GRB2: variants seen among roughly 807,000 people sequenced by gnomAD.
GRB2 encodes growth factor receptor-bound protein 2.
Under a neutral mutation model 27.4 loss-of-function variants are expected in GRB2, and 2 were observed. The ratio of observed to expected loss-of-function variants is 0.07; its 90% CI spans 0.03 to 0.23. GRB2 has a LOEUF of 0.23. Among genes scored for constraint, GRB2 ranks in the 10% least tolerant of loss-of-function variants. The probability of loss-of-function intolerance (pLI) is 1.00; values close to 1 mark genes in which losing one functional copy is unlikely to be tolerated. For synonymous variants in GRB2, 94 were observed against 99.6 expected, an observed-to-expected ratio of 0.94 and a Z score of 0.33; for missense variants, 102 against 282.4, an observed-to-expected ratio of 0.36 and a Z score of 4.58.
At chr17:75,387,649 T>A (rs935723351) in intron 2 of GRB2, 1 of 151,712 alleles carries the variant, frequency 6.6e-6, no homozygotes, top group African/African-American at 2.4e-5. Context: ...ATACAAAAAA[T>A]TAGCCAGGTG....
intron 2 of GRB2, among the ~76,000 whole-genome samples, chr17:75,351,605 A>C (rs2078692854): frequency 1.3e-5 from 2 of 152,088 alleles, no homozygotes; most frequent in Non-Finnish European, 2.9e-5. Context: ...GTAAGTTATG[A>C]TCATGCCACT....
intron 2 of GRB2, among the ~76,000 whole-genome samples, chr17:75,337,895 C>CTATTATTAT (rs1349829988): frequency 5.6e-5 from 7 of 124,462 alleles, no homozygotes; most frequent in Admixed American, 1.6e-4. Context: ...ACTACTACTA[C>CTATTATTAT]TACTACTATT....
chr17:75,327,774 C>T (rs1156831580), intron 3 of GRB2, among the ~76,000 whole-genome samples: 2 of 152,174 alleles, frequency 1.3e-5, no homozygotes, highest in African/African-American at 2.4e-5. Context: ...GAAGGATACA[C>T]TTAGAAGCTG....
chr17:75,333,667 T>C (rs2078556385), intron 2 of GRB2, among the ~76,000 whole-genome samples: 1 of 152,152 alleles, frequency 6.6e-6, no homozygotes. Context: ...CACTGCTGCT[T>C]GTGAGGACAA....
chr17:75,328,940 A>AAAATAAATAAATAAAT (rs3047534), intron 3 of GRB2, among the ~76,000 whole-genome samples: 39 of 147,122 alleles, frequency 2.7e-4, no homozygotes, highest in African/African-American at 5.2e-4. Flanking sequence ...TCGCTTTCAA[A>AAAATAAATAAATAAAT]AAATAAATAA....
At chr17:75,382,475 A>G (rs2078935412) in intron 2 of GRB2, among the ~76,000 whole-genome samples, 1 of 152,170 alleles carries the variant, frequency 6.6e-6, no homozygotes, top group South Asian at 2.1e-4. Context: ...GCATCCCTAA[A>G]TCTCAAAATC....
intron 2 of GRB2, among the ~76,000 whole-genome samples, chr17:75,365,586 C>A (rs1416572875): frequency 6.6e-6 from 1 of 151,868 alleles, no homozygotes; most frequent in African/African-American, 2.4e-5. Flanking sequence ...CTTGGTTTAA[C>A]TTGAAAAGGA....
chr17:75,372,490 A>C (rs1598244145), intron 2 of GRB2: 1 of 152,250 alleles, frequency 6.6e-6, no homozygotes, highest in Non-Finnish European at 1.5e-5. Context: ...AATCACCAAG[A>C]GTTTACAATG....
chr17:75,324,306 C>G (rs2078480804), intron 4 of GRB2, among the ~76,000 whole-genome samples: 1 of 150,918 alleles, frequency 6.6e-6, no homozygotes, highest in African/African-American at 2.4e-5. Context: ...ATTCTTCTCT[C>G]TCAGCCTCCT....
chr17:75,334,040 CCTT>C (rs2078559209), intron 2 of GRB2, among the ~76,000 whole-genome samples: 1 of 152,158 alleles, frequency 6.6e-6, no homozygotes, highest in Non-Finnish European at 1.5e-5. Flanking sequence ...CAGTAGTCCT[CCTT>C]ATCATGATGG....
chr17:75,388,583 T>TG (rs59379896), intron 2 of GRB2, among the ~76,000 whole-genome samples: 2,134 of 86,284 alleles, frequency 0.025, 27 homozygotes, highest in African/African-American at 0.032. Context: ...TTTAAAATAG[T>TG]GGGGGGGGGG....
At chr17:75,353,596 C>A (rs1395546296) in intron 2 of GRB2, among the ~76,000 whole-genome samples, 1 of 151,982 alleles carries the variant, frequency 6.6e-6, no homozygotes, top group Non-Finnish European at 1.5e-5. Context: ...CCCGCCTCTA[C>A]TAAAAACACA....
intron 1 of GRB2, among the ~76,000 whole-genome samples, chr17:75,397,091 T>C (rs2079033397): frequency 6.6e-6 from 1 of 152,186 alleles, no homozygotes; most frequent in Non-Finnish European, 1.5e-5. Flanking sequence ...AACTATTGCT[T>C]TGTGAGATGC....
Position 75,334,875 on chromosome 17 carries a change from T to G in GRB2, c.79-2078A>C, listed in dbSNP as rs1163990002. 2.7e-5 allele frequency among the ~76,000 whole-genome samples: 4 copies of G among 146,560 alleles called. No individual in the cohort carries two copies. In the Admixed American group the frequency reaches 2.8e-4, roughly 10 times the overall value. On this transcript the variant is annotated intron_variant, in intron 2 of 5. Transcript: ENST00000316804. ...AATATCTTTTTTTTTTTTTTTTGAG[T>G]CAGGGTCTTGCTCTGCTGCCCAGTC...
chr17:75,373,944 C>G (rs2078873645), intron 2 of GRB2, among the ~76,000 whole-genome samples: 1 of 151,734 alleles, frequency 6.6e-6, no homozygotes, highest in African/African-American at 2.4e-5. Flanking sequence ...CAGGCGCCCG[C>G]CACCATGCCC....
At chr17:75,383,049 G>T (rs903282276) in intron 2 of GRB2, among the ~76,000 whole-genome samples, 1 of 151,468 alleles carries the variant, frequency 6.6e-6, no homozygotes, top group African/African-American at 2.4e-5. Context: ...GGAAAAACAC[G>T]CCTATTCTCA....
At chr17:75,401,161 C>A (rs2079060911) in intron 1 of GRB2, among the ~76,000 whole-genome samples, 1 of 151,902 alleles carries the variant, frequency 6.6e-6, no homozygotes, top group Admixed American at 6.6e-5. Flanking sequence ...AAAAAAAAGG[C>A]TAGGCCGGGC....
chr17:75,330,084 T>C (rs2078528738), intron 3 of GRB2, among the ~76,000 whole-genome samples: 1 of 151,950 alleles, frequency 6.6e-6, no homozygotes, highest in Non-Finnish European at 1.5e-5. Flanking sequence ...TTGAAAGTCT[T>C]TAAAAAGATG....
At chr17:75,382,837 T>A (rs1486351581) in intron 2 of GRB2, among the ~76,000 whole-genome samples, 1 of 152,104 alleles carries the variant, frequency 6.6e-6, no homozygotes, top group Non-Finnish European at 1.5e-5. Context: ...GCCTCCTGAG[T>A]AGCTGGGACT....
Sources: allele counts gnomAD v4.1 joint callset (sites outside exome capture counted in the v4.1 genomes callset), GRCh38; gene constraint gnomAD v4.1.1; transcripts MANE v1.5; gene names NCBI Gene and HGNC (gene_info 2026-07-23, HGNC 2026-07-21).